Variants in REC114 observed in about 807,000 individuals in gnomAD.
The protein encoded by REC114 is meiotic recombination protein REC114.
A neutral mutation model predicts 31.3 loss-of-function variants in REC114; 27 were observed. The ratio of observed to expected loss-of-function variants is 0.86; its 90% CI spans 0.64 to 1.19. The LOEUF is 1.19. Among genes scored for constraint, REC114 ranks in the 50% most tolerant of loss-of-function variants. The pLI is 0.00. For synonymous variants in REC114, 134 were observed against 127.7 expected, an observed-to-expected ratio of 1.05 and a Z score of -0.33; for missense variants, 344 against 326.9, an observed-to-expected ratio of 1.05 and a Z score of -0.40.
At chr15:73,453,372 T>G (rs1179043307) in intron 1 of REC114, among the ~76,000 whole-genome samples, 1 of 152,116 alleles carries the variant, frequency 6.6e-6, no homozygotes, top group Non-Finnish European at 1.5e-5. Flanking sequence ...GTAAAAAAGC[T>G]CGTCATCACT....
intron 1 of REC114, among the ~76,000 whole-genome samples, chr15:73,449,655 G>T (rs1349627524): frequency 6.6e-6 from 1 of 152,130 alleles, no homozygotes. Flanking sequence ...ACACCAGAAA[G>T]ATACTCCTCG....
At chr15:73,516,973 C>T (rs1316031843) in intron 2 of REC114, among the ~76,000 whole-genome samples, 1 of 152,180 alleles carries the variant, frequency 6.6e-6, no homozygotes, top group Non-Finnish European at 1.5e-5. Context: ...TTTTGTAAAA[C>T]ACTCCATCGA....
intron 2 of REC114, among the ~76,000 whole-genome samples, chr15:73,526,042 G>A (rs73444121): frequency 2.5e-3 from 378 of 152,148 alleles, no homozygotes; most frequent in African/African-American, 8.8e-3. Context: ...GGATTGTTAC[G>A]TTTTCTTGAT....
At chr15:73,476,841 A>T (rs1893221801) in intron 2 of REC114, among the ~76,000 whole-genome samples, 1 of 152,218 alleles carries the variant, frequency 6.6e-6, no homozygotes, top group African/African-American at 2.4e-5. Flanking sequence ...ACTACTGAAT[A>T]TTTGTATACG....
chr15:73,548,113 C>CT (rs1005025989), intron 3 of REC114, among the ~76,000 whole-genome samples: 23 of 151,726 alleles, frequency 1.5e-4, no homozygotes, highest in Middle Eastern at 3.4e-3. Context: ...TGAATAGACA[C>CT]TTTTTTTTTC....
intron 2 of REC114, among the ~76,000 whole-genome samples, chr15:73,525,725 A>G (rs1448893393): frequency 6.6e-6 from 1 of 151,620 alleles, no homozygotes; most frequent in Non-Finnish European, 1.5e-5. Context: ...TTAAAAACCT[A>G]CTCTATATTA....
intron 2 of REC114, among the ~76,000 whole-genome samples, chr15:73,502,124 C>T (rs1263681502): frequency 6.8e-6 from 1 of 147,294 alleles, no homozygotes; most frequent in African/African-American, 2.5e-5. Flanking sequence ...CACTGCACTC[C>T]AGCCTGGGCA....
chr15:73,492,316 T>C (rs993524336), intron 2 of REC114, among the ~76,000 whole-genome samples: 1 of 152,202 alleles, frequency 6.6e-6, no homozygotes, highest in African/African-American at 2.4e-5. Flanking sequence ...GACTTGTCCA[T>C]ATTATATTTA....
chr15:73,478,977 A>G (rs1893254982), intron 2 of REC114, among the ~76,000 whole-genome samples: 1 of 152,120 alleles, frequency 6.6e-6, no homozygotes, highest in African/African-American at 2.4e-5. Context: ...TTCTACATAC[A>G]TGATCTGTGT....
At chr15:73,514,931 T>C (rs1021165947) in intron 2 of REC114, among the ~76,000 whole-genome samples, 1 of 58,294 alleles carries the variant, frequency 1.7e-5, no homozygotes, top group East Asian at 4.0e-4. Context: ...ACACTCTGAT[T>C]TTTTTTTTTT....
At chr15:73,493,856 C>T (rs115458291) in intron 2 of REC114, among the ~76,000 whole-genome samples, 1,744 of 152,246 alleles carry the variant, frequency 0.011, 31 homozygotes, top group African/African-American at 0.04. Flanking sequence ...TTTATTTCTC[C>T]GATTATTATC....
chr15:73,462,039 T>C (rs8027255), intron 1 of REC114, among the ~76,000 whole-genome samples: 28,206 of 150,316 alleles, frequency 0.19, 4,576 homozygotes, highest in African/African-American at 0.44. Flanking sequence ...TCAAGCGATT[T>C]TCCTGCCTCG....
Position 73,556,352 on chromosome 15 carries a change from C to A in REC114, c.597C>A (p.Gly199=). 1 of 1,613,696 alleles carries A rather than the reference C, an allele frequency of 6.2e-7. No individual in the cohort carries two copies. The highest frequency in any genetic ancestry group is 8.5e-7 in the Non-Finnish European group (1 of 1,179,732). Residue 199 remains glycine (G), a synonymous_variant, in exon 5 of 6, where the codon GGC becomes GGA. Coordinates refer to ENST00000331090, the MANE Select transcript of REC114 (RefSeq NM_001042367.2). ...QQQVCVTAGT[G]APDGRTSLTQ... ...AAGTGTGTGTAACAGCGGGCACAGGCGCTCCAGACGGAAGGACCTCACTGA... is the reference window on the plus strand; with the variant it reads ...AAGTGTGTGTAACAGCGGGCACAGGAGCTCCAGACGGAAGGACCTCACTGA...
intron 2 of REC114, among the ~76,000 whole-genome samples, chr15:73,486,169 C>T (rs1282568881): frequency 6.6e-6 from 1 of 152,150 alleles, no homozygotes; most frequent in Non-Finnish European, 1.5e-5. Flanking sequence ...GCAATCTCGG[C>T]TCACTGCAAC....
In REC114 at chr15:73,443,165, G is replaced by T; in HGVS notation, c.-21G>T. The T allele has an allele frequency of 6.5e-7, 1 of 1,540,192 alleles. No homozygotes were observed. Among genetic ancestry groups the T allele is most frequent in the Non-Finnish European group, 8.7e-7 (1 of 1,145,328 alleles). ...CCAGATTGGCAGGTCCCCGCCGGCA[G>T]TGCGTGTGGTGAGGCAGGACATGGC... is the stretch of plus-strand genomic sequence containing the variant. On this transcript the variant is annotated 5_prime_UTR_variant, in exon 1 of 6. Coordinates refer to ENST00000331090, the MANE Select transcript of REC114 (RefSeq NM_001042367.2).
intron 1 of REC114, among the ~76,000 whole-genome samples, chr15:73,472,477 C>G (rs1893145197): frequency 6.6e-6 from 1 of 152,050 alleles, no homozygotes; most frequent in Admixed American, 6.6e-5. Context: ...AACTCCAAAC[C>G]CCACGTATGA....
chr15:73,548,452 T>C (rs1894341868), intron 3 of REC114, among the ~76,000 whole-genome samples: 2 of 152,060 alleles, frequency 1.3e-5, no homozygotes. Flanking sequence ...AGCCAACAAC[T>C]ATATGAAAAA....
intron 4 of REC114, 124 bp downstream of exon 4, chr15:73,551,274 G>A: frequency 1.0e-6 from 1 of 997,572 alleles, no homozygotes; most frequent in Middle Eastern, 3.3e-4. Context: ...TCTATGTTCG[G>A]TGACTTTTTA....
chr15:73,525,666 T>C (rs568259089), intron 2 of REC114, among the ~76,000 whole-genome samples: 1 of 152,286 alleles, frequency 6.6e-6, no homozygotes, highest in Admixed American at 6.5e-5. Context: ...TTTTCTAATT[T>C]AATTCTTTTA....
Sources: gnomAD v4.1 joint callset for allele counts (sites outside exome capture counted in the v4.1 genomes callset) on GRCh38, gnomAD v4.1.1 for gene constraint, MANE v1.5 for transcripts, NCBI Gene and HGNC (gene_info 2026-07-23, HGNC 2026-07-21) for gene names.